THRA: variants seen among roughly 807,000 people sequenced by gnomAD.
THRA encodes EAR-7.
In THRA, 13 loss-of-function variants were observed where a neutral mutation model predicts 45.0. The ratio of observed to expected loss-of-function variants is 0.29; its 90% CI spans 0.19 to 0.46. The LOEUF is 0.46. THRA is among the 20% of genes least tolerant of loss of function. The pLI is 1.00. For missense variants in THRA, 278 were observed against 556.1 expected (o/e 0.50, Z 5.03); for synonymous variants, 195 against 214.0 (o/e 0.91, Z 0.78).
In THRA at chr17:40,083,885, C is replaced by T. The variant is rs905944777; in HGVS notation, c.273C>T (p.Cys91=). Residue 91 remains cysteine, a synonymous_variant, in exon 5 of 9, where the codon TGC becomes TGT. Coordinates refer to ENST00000450525, the MANE Select transcript of THRA (RefSeq NM_199334.5). ...IQKNLHPTYS[C]KYDSCCVIDK... The stretch of plus-strand genomic sequence containing the variant: ...AGAACCTCCATCCCACCTATTCCTG[C>T]AAATATGACAGCTGCTGTGTCATTG... The T allele has an allele frequency of 3.1e-6, 5 of 1,613,902 alleles. No homozygotes were observed. The highest frequency in any genetic ancestry group is 4.2e-6 in the Non-Finnish European group (5 of 1,179,876).
chr17:40,077,001 C>G, intron 3 of THRA, 63 bp downstream of exon 3: 1 of 1,515,268 alleles, frequency 6.6e-7, no homozygotes, highest in Non-Finnish European at 9.1e-7. Context: ...AGCCAGGGCT[C>G]CTCTGGACCT....
chr17:40,086,694 T>A lies in THRA; in HGVS notation c.577-13T>A, dbSNP rs1254866521. ...GGTCTGCGGCCCCAGCTGACCCCCG[T>A]CTTTCTCTCTAGCCCGATGACATTG... is the stretch of plus-strand genomic sequence containing the variant. On this transcript the variant is annotated splice_polypyrimidine_tract_variant and intron_variant, in intron 6 of 8. Coordinates refer to ENST00000450525, the MANE Select transcript of THRA (RefSeq NM_199334.5). 1.9e-6 allele frequency: 3 copies of A among 1,610,226 alleles called. No individual in the cohort carries two copies. Among genetic ancestry groups the A allele is most frequent in the Non-Finnish European group, 2.5e-6 (3 of 1,176,872 alleles).
Position 40,089,198 on chromosome 17 carries a change from C to T in THRA, c.983-8C>T. On this transcript the variant is annotated splice_region_variant and splice_polypyrimidine_tract_variant and intron_variant, in intron 8 of 8. Transcript: ENST00000450525. This position sits in a 1 kb window ranked among gnomAD's most constrained non-coding sequence, Gnocchi z 6.1. ...CCCCTCGCCCCTCACGCCCCTCTTC[C>T]CTCACAGACCGCTCGGGCCTGCTGT... 1 of 1,613,412 alleles carries T rather than the reference C, an allele frequency of 6.2e-7. No individual in the cohort carries two copies. The highest frequency in any genetic ancestry group is 1.1e-5 in the South Asian group (1 of 91,058).
chr17:40,084,324 G>A, intron 5 of THRA: 1 of 509,226 alleles, frequency 2.0e-6, no homozygotes, highest in Non-Finnish European at 3.5e-6. Context: ...ATCTTCCATT[G>A]GCTGGGGATT....
At chr17:40,093,290 G>T (rs1406992820), downstream of THRA, 2 of 1,613,502 alleles carry the variant, frequency 1.2e-6, no homozygotes, top group Non-Finnish European at 1.7e-6. The surrounding 1 kb of genome is among the most constrained non-coding windows in gnomAD (Gnocchi z 5.9). Context: ...GGTCTGTGGG[G>T]AAGACGACAG....
At chr17:40,088,012 T>G (rs1340658765) in intron 7 of THRA, among the ~76,000 whole-genome samples, 1 of 152,172 alleles carries the variant, frequency 6.6e-6, no homozygotes, top group Non-Finnish European at 1.5e-5. Flanking sequence ...CCACCCGCCT[T>G]GGCCTCCCAT....
rs878961569 is a variant in THRA at position 40,088,633 on chromosome 17, A to G, written c.982+133A>G. The stretch of plus-strand genomic sequence containing the variant: ...CTCTCTGTCACCTGGGCCATCCCCT[A>G]TCCCCTGTTCCTTGCTCTGTCACAC... On this transcript the variant is annotated intron_variant, in intron 8 of 8. Transcript: ENST00000450525. 2.0e-5 allele frequency: 23 copies of G among 1,145,064 alleles called. No homozygotes were observed. The South Asian group carries it at 2.8e-4, about 14-fold the overall frequency. 70.9% of individuals were successfully genotyped at this position (1,145,064 alleles called of 1,614,324 possible).
At chr17:40,069,192 T>C (rs1420019950) in intron 1 of THRA, among the ~76,000 whole-genome samples, 1 of 140,426 alleles carries the variant, frequency 7.1e-6, no homozygotes, top group African/African-American at 2.6e-5. Flanking sequence ...CCTCTCTCTC[T>C]CTCACACACA....
intron 4 of THRA, among the ~76,000 whole-genome samples, chr17:40,078,431 T>C (rs1343203173): frequency 6.6e-6 from 1 of 152,154 alleles, no homozygotes; most frequent in Non-Finnish European, 1.5e-5. Context: ...CATTGAACGG[T>C]GGTGGCGCCA....
chr17:40,088,983 C>T (rs115972079), intron 8 of THRA, among the ~76,000 whole-genome samples: 8,388 of 128,210 alleles, frequency 0.065, 495 homozygotes, highest in African/African-American at 0.15. Context: ...GCATTGCCCC[C>T]TCCCCCCAGT....
In THRA at chr17:40,071,657, G is replaced by C. The variant is rs372126118; in HGVS notation, c.-297-2535G>C. On this transcript the variant is annotated intron_variant, in intron 1 of 8. Transcript: ENST00000450525. ...CCTCGCCTCTGCAGAGGAGGTACCAGGAAGGAGTTTGGGGAGTTAAGCTGG... is the reference window on the plus strand; with the variant it reads ...CCTCGCCTCTGCAGAGGAGGTACCACGAAGGAGTTTGGGGAGTTAAGCTGG... Among the ~76,000 whole-genome samples, 13 of 152,350 alleles carry C rather than the reference G, an allele frequency of 8.5e-5. No individual in the cohort carries two copies. The East Asian group carries it at 1.7e-3, about 20-fold the overall frequency.
At chr17:40,086,635 G>C in intron 6 of THRA, 72 bp from the exon 7 acceptor site, 1 of 1,566,562 alleles carries the variant, frequency 6.4e-7, no homozygotes, top group Non-Finnish European at 8.7e-7. Context: ...AGCTCCCCCT[G>C]GTGGGCAGGG....
chr17:40,069,658 C>G (rs554517969), intron 1 of THRA, among the ~76,000 whole-genome samples: 155 of 152,156 alleles, frequency 1.0e-3, no homozygotes, highest in Middle Eastern at 3.4e-3. Flanking sequence ...GCTTTCTTGG[C>G]TACTTGGATC....
chr17:40,083,260 G>C (rs980320019), intron 4 of THRA, among the ~76,000 whole-genome samples: 2 of 150,444 alleles, frequency 1.3e-5, no homozygotes. Flanking sequence ...GTAGAGACAG[G>C]GTTTCACCAT....
chr17:40,084,589 C>T, intron 5 of THRA, 21 bp from the exon 6 acceptor site: 1 of 1,613,106 alleles, frequency 6.2e-7, no homozygotes, highest in Non-Finnish European at 8.5e-7. Context: ...TGCGTTAGAC[C>T]TTGTGCCTCT....
chr17:40,084,008 G>A (rs1454131038), intron 5 of THRA, 26 bp downstream of exon 5: 5 of 1,591,190 alleles, frequency 3.1e-6, no homozygotes, highest in Non-Finnish European at 4.3e-6. Flanking sequence ...GGAGGGAATA[G>A]AGCCAGGTGG....
chr17:40,089,173 C>A lies in THRA; in HGVS notation c.983-33C>A. The A allele has an allele frequency of 6.2e-7, 1 of 1,605,220 alleles. No individual in the cohort carries two copies. Reference sequence around the variant, plus strand: ...TCCCCATCTCCAGGCCTTCGGCCAGCCCCTCGCCCCTCACGCCCCTCTTCC... The same window carrying A: ...TCCCCATCTCCAGGCCTTCGGCCAGACCCTCGCCCCTCACGCCCCTCTTCC... On this transcript the variant is annotated intron_variant, in intron 8 of 8. Transcript: ENST00000450525. The surrounding 1 kb of genome is among the most constrained non-coding windows in gnomAD (Gnocchi z 6.1).
At chr17:40,078,883 C>T (rs1047026497) in intron 4 of THRA, among the ~76,000 whole-genome samples, 2 of 151,992 alleles carry the variant, frequency 1.3e-5, no homozygotes, top group Admixed American at 6.6e-5. Flanking sequence ...AGGCACCTGC[C>T]ACCACGCCCA....
chr17:40,065,348 C>T (rs1297101532), intron 1 of THRA, among the ~76,000 whole-genome samples: 2 of 152,176 alleles, frequency 1.3e-5, no homozygotes, highest in Admixed American at 1.3e-4. Flanking sequence ...CACCTGTACC[C>T]TCCTGTCCAA....
Sources: allele counts gnomAD v4.1 joint callset (sites outside exome capture counted in the v4.1 genomes callset), GRCh38; gene constraint gnomAD v4.1.1; non-coding constraint Gnocchi (gnomAD v3.1); transcripts MANE v1.5; gene names NCBI Gene and HGNC (gene_info 2026-07-23, HGNC 2026-07-21).